Variants in BLNK observed in about 807,000 individuals in gnomAD.
BLNK encodes B-cell linker protein.
BLNK carries 29 observed loss-of-function variants against 73.5 expected under a neutral mutation model. The ratio of observed to expected loss-of-function variants is 0.39; its 90% CI spans 0.29 to 0.54. The LOEUF (loss-of-function observed/expected upper bound fraction) is 0.54, where lower values mean the gene tolerates loss of function less well. BLNK is among the 20% of genes least tolerant of loss of function. BLNK has a pLI of 0.61. For missense variants in BLNK, 460 were observed against 562.8 expected, an observed-to-expected ratio of 0.82 and a Z score of 1.85; for synonymous variants, 176 against 200.8, an observed-to-expected ratio of 0.88 and a Z score of 1.04.
intron 1 of BLNK, among the ~76,000 whole-genome samples, chr10:96,252,853 C>T (rs1843343649): frequency 6.6e-6 from 1 of 152,128 alleles, no homozygotes; most frequent in South Asian, 2.1e-4. Context: ...AAGTGACTAA[C>T]AGAATGCAGT....
intron 6 of BLNK, among the ~76,000 whole-genome samples, chr10:96,219,779 T>G (rs1156930143): frequency 6.6e-6 from 1 of 152,224 alleles, no homozygotes; most frequent in Non-Finnish European, 1.5e-5. Context: ...GTTTTCCTTT[T>G]AATAAAAAGC....
At chr10:96,241,734 CTTTTT>C (rs34238526) in intron 3 of BLNK, among the ~76,000 whole-genome samples, 1 of 142,508 alleles carries the variant, frequency 7.0e-6, no homozygotes. Context: ...TCTTTTCTTT[CTTTTT>C]TTTTTTTTTG....
At position 96,209,938 on chromosome 10, in the gene BLNK, A is replaced by G. The variant is rs2290714; in HGVS notation, c.677-31T>C. 115,271 of 1,612,144 alleles carry G rather than the reference A, an allele frequency of 0.072. 9,374 individuals are homozygous for G. Among genetic ancestry groups the G allele is most frequent in the East Asian group, 0.45 (20,363 of 44,854 alleles). ...CAAACATATACACTACTCAGTCCCC[A>G]AGTCCTGAGCCGGGGGCTGATGCTC... is the stretch of plus-strand genomic sequence containing the variant. On this transcript the variant is annotated intron_variant, in intron 8 of 16. Transcript: ENST00000224337.
intron 6 of BLNK, among the ~76,000 whole-genome samples, chr10:96,220,822 T>C (rs2084180670): frequency 6.6e-6 from 1 of 152,166 alleles, no homozygotes; most frequent in Admixed American, 6.5e-5. Flanking sequence ...AACTCCAATG[T>C]TTAGATGTTT....
intron 1 of BLNK, among the ~76,000 whole-genome samples, chr10:96,251,618 A>G (rs1294996609): frequency 6.6e-6 from 1 of 152,252 alleles, no homozygotes; most frequent in Non-Finnish European, 1.5e-5. Flanking sequence ...AATGAAGAAC[A>G]AAGCTTATCT....
In BLNK at chr10:96,246,972, A is replaced by T; in HGVS notation, c.113+12T>A. ...TTTATATAATTAAGTATTTAAATAGAGGCGAACTTACTTTTTGATTTTATT... is the reference window on the plus strand; with the variant it reads ...TTTATATAATTAAGTATTTAAATAGTGGCGAACTTACTTTTTGATTTTATT... On this transcript the variant is annotated intron_variant, in intron 2 of 16. Transcript: ENST00000224337. 6.4e-7 allele frequency: 1 copy of T among 1,566,046 alleles called. No individual in the cohort carries two copies. The highest frequency in any genetic ancestry group is 8.8e-7 in the Non-Finnish European group (1 of 1,139,562).
intron 4 of BLNK, among the ~76,000 whole-genome samples, chr10:96,228,033 CA>C (rs1842342999): frequency 6.6e-6 from 1 of 151,252 alleles, no homozygotes; most frequent in South Asian, 2.1e-4. Context: ...AAATTTCAAG[CA>C]GAATTGGTAA....
chr10:96,215,136 C>T (rs369316572), intron 8 of BLNK, among the ~76,000 whole-genome samples, 185 bp downstream of exon 8: 2 of 152,118 alleles, frequency 1.3e-5, no homozygotes, highest in Admixed American at 6.5e-5. Context: ...CTAGCAGATG[C>T]CAAAAGGCCT....
At position 96,190,753 on chromosome 10, in the gene BLNK, A is replaced by G. The variant is rs2133904470; in HGVS notation, c.*1220T>C. 6.6e-6 allele frequency among the ~76,000 whole-genome samples: 1 copy of G among 152,344 alleles called. No individual in the cohort carries two copies. The highest frequency in any genetic ancestry group is 2.1e-4 in the South Asian group (1 of 4,828). On this transcript the variant is annotated 3_prime_UTR_variant, in exon 17 of 17. Transcript: ENST00000224337. ...CACTTCACTGCTGTCTGAAGTACAC[A>G]GTAGAAATATATGACAAAGTATGAT...
chr10:96,221,367 G>C (rs1554901118), intron 6 of BLNK, among the ~76,000 whole-genome samples: 2 of 152,198 alleles, frequency 1.3e-5, no homozygotes, highest in African/African-American at 4.8e-5. Context: ...CTGCAGAGCA[G>C]GGTTAAACAC....
chr10:96,249,234 T>C (rs1261987300), intron 1 of BLNK, among the ~76,000 whole-genome samples: 2 of 152,216 alleles, frequency 1.3e-5, no homozygotes, highest in East Asian at 3.8e-4. Context: ...GGTTAGGTAA[T>C]AGAAATAGTT....
intron 1 of BLNK, among the ~76,000 whole-genome samples, chr10:96,257,389 A>G (rs1843563966): frequency 6.6e-6 from 1 of 152,204 alleles, no homozygotes; most frequent in African/African-American, 2.4e-5. Context: ...GCCAGGCCCA[A>G]GCCTCGAGCT....
intron 16 of BLNK, among the ~76,000 whole-genome samples, chr10:96,195,059 G>A (rs2083431174): frequency 6.6e-6 from 1 of 151,982 alleles, no homozygotes; most frequent in African/African-American, 2.4e-5. Context: ...GTGAGCCACC[G>A]CGCCCGGCCA....
At chr10:96,239,776 C>A (rs185794236) in intron 3 of BLNK, among the ~76,000 whole-genome samples, 1 of 152,084 alleles carries the variant, frequency 6.6e-6, no homozygotes, top group African/African-American at 2.4e-5. Flanking sequence ...ATGGATGCTA[C>A]CTCCCTTTTC....
chr10:96,270,247 A>T lies in BLNK; in HGVS notation c.47+1105T>A, dbSNP rs797030034. Among the ~76,000 whole-genome samples, 3 of 152,280 alleles carry T rather than the reference A, an allele frequency of 2.0e-5. No homozygotes were observed. In the South Asian group the frequency reaches 6.2e-4, roughly 32 times the overall value. On this transcript the variant is annotated intron_variant, in intron 1 of 16. Coordinates refer to ENST00000224337, the MANE Select transcript of BLNK (RefSeq NM_013314.4). The stretch of plus-strand genomic sequence containing the variant: ...TTACCAAGCACCTCCTAGGCATAAG[A>T]CCTGTATTCTACTGTGAAGGGTTGT...
chr10:96,201,028 T>A lies in BLNK; in HGVS notation c.965A>T (p.Asp322Val). Reference protein sequence around the residue: ...RFTEGGNPTVDGPLPSFSSNS... With the variant: ...RFTEGGNPTVVGPLPSFSSNS... ...AGATGAAAAGCTGGGTAGGGGCCCA[T>A]CCACAGTTGGGTTTCCCCCTTCTGT... The change falls in exon 14 of 17, where the codon GAT becomes GTT. Residue 322 changes from aspartate (D) to valine (V), a missense_variant. Asp to Val is a radical substitution (Grantham distance 152). Transcript: ENST00000224337. 1 of 1,614,140 alleles carries A rather than the reference T, an allele frequency of 6.2e-7. No homozygotes were observed. The highest frequency in any genetic ancestry group is 8.5e-7 in the Non-Finnish European group (1 of 1,179,976).
chr10:96,242,327 C>A (rs1170678552), intron 3 of BLNK, among the ~76,000 whole-genome samples: 3 of 152,212 alleles, frequency 2.0e-5, no homozygotes, highest in Non-Finnish European at 4.4e-5. Flanking sequence ...ACTGTGAGTC[C>A]ATTAAACCTC....
At chr10:96,217,777 T>A (rs2084103001) in intron 6 of BLNK, among the ~76,000 whole-genome samples, 1 of 152,236 alleles carries the variant, frequency 6.6e-6, no homozygotes, top group Admixed American at 6.5e-5. Flanking sequence ...CTTATTGGTA[T>A]CATTGGTGGC....
chr10:96,227,080 CAG>C (rs1299249320), intron 5 of BLNK, among the ~76,000 whole-genome samples: 1 of 152,200 alleles, frequency 6.6e-6, no homozygotes, highest in Non-Finnish European at 1.5e-5. Flanking sequence ...GGACTAATCT[CAG>C]GGTTGCTTTC....
Sources: gnomAD v4.1 joint callset for allele counts (sites outside exome capture counted in the v4.1 genomes callset) on GRCh38, gnomAD v4.1.1 for gene constraint, MANE v1.5 for transcripts, NCBI Gene and HGNC (gene_info 2026-07-23, HGNC 2026-07-21) for gene names.